The following DNAH11 variants were observed in gnomAD, a reference collection of about 807,000 sequenced individuals.
DNAH11 encodes dynein axonemal heavy chain 11.
In DNAH11, 442 loss-of-function variants were observed where a neutral mutation model predicts 526.0. The ratio of observed to expected loss-of-function variants is 0.84; its 90% CI spans 0.78 to 0.91. The LOEUF is 0.91. Ranked by LOEUF, DNAH11 falls within the 40% of genes least tolerant of loss-of-function variation. DNAH11 has a pLI of 0.00. For missense variants in DNAH11, 6,989 were observed against 5,448.7 expected, an observed-to-expected ratio of 1.28 and a Z score of -8.90; for synonymous variants, 2,461 against 1,935.9, an observed-to-expected ratio of 1.27 and a Z score of -7.12.
At chr7:21,646,359 C>T (rs947105755) in intron 28 of DNAH11, among the ~76,000 whole-genome samples, 30 of 152,282 alleles carry the variant, frequency 2.0e-4, no homozygotes, top group Admixed American at 1.5e-3. Context: ...AGTGGGGATT[C>T]ATGACAGATG....
chr7:21,557,977 A>G lies in DNAH11; in HGVS notation c.496-825A>G, dbSNP rs552265920. Among the ~76,000 whole-genome samples the G allele has an allele frequency of 3.9e-5, 6 of 152,336 alleles. No individual in the cohort carries two copies. In the East Asian group the frequency reaches 7.7e-4, roughly 20 times the overall value. On this transcript the variant is annotated intron_variant, in intron 2 of 81. Transcript: ENST00000409508. Reference sequence around the variant, plus strand: ...AATATTTGGAGACATTTGTTTGAACACCATTCAAAAATGAAAGTGAATTTT... The same window carrying G: ...AATATTTGGAGACATTTGTTTGAACGCCATTCAAAAATGAAAGTGAATTTT...
chr7:21,683,036 A>G (rs529919821), intron 31 of DNAH11, among the ~76,000 whole-genome samples: 18 of 152,314 alleles, frequency 1.2e-4, no homozygotes, highest in African/African-American at 4.1e-4. Flanking sequence ...TATAAGTCTG[A>G]TGATTTCAAG....
chr7:21,891,403 G>T (rs1209196233), intron 76 of DNAH11, among the ~76,000 whole-genome samples: 3 of 152,130 alleles, frequency 2.0e-5, no homozygotes, highest in Non-Finnish European at 2.9e-5. Flanking sequence ...GAGACTGGGA[G>T]AATTAAAACA....
chr7:21,622,904 A>G (rs1214715138), intron 25 of DNAH11, among the ~76,000 whole-genome samples: 1 of 152,112 alleles, frequency 6.6e-6, no homozygotes, highest in African/African-American at 2.4e-5. Flanking sequence ...GGACATAGGC[A>G]TGGGCAAGGA....
At position 21,619,944 on chromosome 7, in the gene DNAH11, G is replaced by A; in HGVS notation, c.4378-12G>A. The A allele has an allele frequency of 1.4e-6, 2 of 1,470,776 alleles. No individual in the cohort carries two copies. Among genetic ancestry groups the A allele is most frequent in the South Asian group, 1.3e-5 (1 of 77,970 alleles). 91.1% of individuals were successfully genotyped at this position (1,470,776 alleles called of 1,614,324 possible). ...AAATTTTGTGCACATTAATTATATT[G>A]TTGATTACTAGGTTATTACTGAAAT... is the stretch of plus-strand genomic sequence containing the variant. On this transcript the variant is annotated splice_polypyrimidine_tract_variant and intron_variant, in intron 24 of 81. Transcript: ENST00000409508.
At chr7:21,735,164 C>T (rs1330219737) in intron 45 of DNAH11, among the ~76,000 whole-genome samples, 3 of 152,232 alleles carry the variant, frequency 2.0e-5, no homozygotes, top group South Asian at 4.2e-4. Flanking sequence ...AGCAAGACAC[C>T]GTCTCAGAAC....
rs1290809710 is a variant in DNAH11 at position 21,824,817 on chromosome 7, G to A, written c.10691+6478G>A. The stretch of plus-strand genomic sequence containing the variant: ...ACTTGATTTTTTCCCTCAATCATAT[G>A]TTTCTAAGATTTAATCTACATTGCT... On this transcript the variant is annotated intron_variant, in intron 65 of 81. Transcript: ENST00000409508. Among the ~76,000 whole-genome samples the A allele has an allele frequency of 2.0e-5, 3 of 152,156 alleles. No individual in the cohort carries two copies. The East Asian group carries it at 5.8e-4, about 29-fold the overall frequency.
intron 30 of DNAH11, among the ~76,000 whole-genome samples, chr7:21,679,503 A>C (rs1057170995): frequency 1.3e-5 from 2 of 152,208 alleles, no homozygotes; most frequent in African/African-American, 4.8e-5. Context: ...AAACGTATAC[A>C]ATTTTTGTTT....
At chr7:21,782,781 G>T (rs576753900) in intron 57 of DNAH11, among the ~76,000 whole-genome samples, 1 of 151,966 alleles carries the variant, frequency 6.6e-6, no homozygotes, top group Admixed American at 6.6e-5. Context: ...GTAGTGGTGC[G>T]TGCCTGTAAT....
At chr7:21,785,601 TTTTC>T (rs1788136525) in intron 58 of DNAH11, among the ~76,000 whole-genome samples, 1 of 152,348 alleles carries the variant, frequency 6.6e-6, no homozygotes, top group African/African-American at 2.4e-5. Flanking sequence ...GGAATATTTA[TTTTC>T]TTTATTGTGT....
At chr7:21,707,931 T>C in intron 40 of DNAH11, 96 bp downstream of exon 40, 2 of 1,285,166 alleles carry the variant, frequency 1.6e-6, no homozygotes, top group South Asian at 3.7e-5. Context: ...GCAGACTTAC[T>C]GTTTATGTGT....
At chr7:21,683,992 G>A (rs1783258037) in intron 32 of DNAH11, 48 bp downstream of exon 32, 1 of 1,587,636 alleles carries the variant, frequency 6.3e-7, no homozygotes, top group East Asian at 2.2e-5. Flanking sequence ...ACCCAAAAAA[G>A]TCCCCTAGTG....
At chr7:21,562,850 C>T (rs886156388) in intron 5 of DNAH11, among the ~76,000 whole-genome samples, 4 of 152,160 alleles carry the variant, frequency 2.6e-5, no homozygotes, top group African/African-American at 9.7e-5. Flanking sequence ...GACAGATGAA[C>T]TGGTTACACA....
In DNAH11 at chr7:21,705,541, T is replaced by C. The variant is rs773946826; in HGVS notation, c.6546+4T>C. ...TGCAGGCACAGGAAAGAGTAAGGTA[T>C]AGTAAATTGCCTAATAGCTTACAGC... On this transcript the variant is annotated splice_donor_region_variant and intron_variant, in intron 39 of 81. Coordinates refer to ENST00000409508, the MANE Select transcript of DNAH11 (RefSeq NM_001277115.2). 8.7e-6 allele frequency: 14 copies of C among 1,613,060 alleles called. No homozygotes were observed. Among genetic ancestry groups the C allele is most frequent in the Non-Finnish European group, 1.1e-5 (13 of 1,179,332 alleles).
rs541853966 is a variant in DNAH11 at position 21,837,219 on chromosome 7, C to T, written c.10692-5325C>T. 3.9e-5 allele frequency among the ~76,000 whole-genome samples: 6 copies of T among 152,048 alleles called. 1 individual carries two copies. Among genetic ancestry groups the T allele is most frequent in the Non-Finnish European group, 7.4e-5 (5 of 67,990 alleles). On this transcript the variant is annotated intron_variant, in intron 65 of 81. Coordinates refer to ENST00000409508, the MANE Select transcript of DNAH11 (RefSeq NM_001277115.2). Reference sequence around the variant, plus strand: ...AAAAACTAAGAACTACCGTATGATCCAGCAGTTCTACTATGATGTATCAAA... The same window carrying T: ...AAAAACTAAGAACTACCGTATGATCTAGCAGTTCTACTATGATGTATCAAA...
chr7:21,592,545 C>T (rs190364557), intron 14 of DNAH11, among the ~76,000 whole-genome samples: 51 of 152,168 alleles, frequency 3.4e-4, no homozygotes, highest in East Asian at 3.3e-3. Context: ...TGGATTTTAC[C>T]GTAAGGGGAA....
chr7:21,777,537 G>A (rs10225218), intron 56 of DNAH11, among the ~76,000 whole-genome samples: 77,324 of 151,934 alleles, frequency 0.51, 19,925 homozygotes, highest in East Asian at 0.61. Context: ...ACTACCAGCA[G>A]TGTATGAGAG....
At chr7:21,652,888 G>T (rs760946431) in intron 28 of DNAH11, among the ~76,000 whole-genome samples, 1 of 151,952 alleles carries the variant, frequency 6.6e-6, no homozygotes, top group African/African-American at 2.4e-5. Flanking sequence ...ATTTATTTAT[G>T]TATTTGAGAT....
intron 56 of DNAH11, among the ~76,000 whole-genome samples, chr7:21,777,480 T>C (rs1035272068): frequency 6.6e-6 from 1 of 152,188 alleles, no homozygotes; most frequent in African/African-American, 2.4e-5. Context: ...TTTACATTTA[T>C]AGAAAACAGG....
Sources: allele counts gnomAD v4.1 joint callset (sites outside exome capture counted in the v4.1 genomes callset), GRCh38; gene constraint gnomAD v4.1.1; transcripts MANE v1.5; gene names NCBI Gene and HGNC (gene_info 2026-07-23, HGNC 2026-07-21).